The following VAMP4 variants were observed in gnomAD, a reference collection of about 807,000 sequenced individuals.
VAMP4 encodes the protein vesicle associated membrane protein 4, also known as vesicle-associated membrane protein 4.
VAMP4 carries 19 observed loss-of-function variants against 23.5 expected under a neutral mutation model. The ratio of observed to expected loss-of-function variants is 0.81; its 90% CI spans 0.56 to 1.19. The LOEUF is 1.19. Among genes scored for constraint, VAMP4 ranks in the 50% most tolerant of loss-of-function variants. VAMP4 has a pLI of 0.00. For missense variants in VAMP4, 145 were observed against 168.6 expected (o/e 0.86, Z 0.78); for synonymous variants, 31 against 51.0 (o/e 0.61, Z 1.67).
intron 6 of VAMP4, among the ~76,000 whole-genome samples, chr1:171,709,051 T>C (rs1654763507): frequency 6.6e-6 from 1 of 152,020 alleles, no homozygotes; most frequent in South Asian, 2.1e-4. Flanking sequence ...TGTTAATGAT[T>C]AGTAGCCACA....
chr1:171,717,113 T>C (rs539831692), intron 4 of VAMP4, among the ~76,000 whole-genome samples: 1 of 152,226 alleles, frequency 6.6e-6, no homozygotes, highest in South Asian at 2.1e-4. Context: ...AGCTGGAAAA[T>C]CATACTCAAA....
chr1:171,713,794 C>T (rs1654930173), intron 4 of VAMP4, among the ~76,000 whole-genome samples: 2 of 152,086 alleles, frequency 1.3e-5, no homozygotes, highest in Admixed American at 1.3e-4. Context: ...GATTGCACCA[C>T]TGCACTTCAG....
In VAMP4 at chr1:171,704,439, T is replaced by C. The variant is rs1424382884; in HGVS notation, c.*67A>G. The C allele has an allele frequency of 7.1e-7, 1 of 1,413,840 alleles. No individual in the cohort carries two copies. The highest frequency in any genetic ancestry group is 1.5e-5 in the African/African-American group (1 of 68,122). 87.6% of individuals were successfully genotyped at this position (1,413,840 alleles called of 1,614,324 possible). A position where few individuals can be genotyped will look rare whatever the true frequency, so the allele number is the denominator to read the frequency against. ...GAAAGTTATATACACATAGGTTTCA[T>C]TTAAATTATGCAGCAATCTTTTATT... On this transcript the variant is annotated 3_prime_UTR_variant, in exon 8 of 8. Transcript: ENST00000236192.
intron 3 of VAMP4, among the ~76,000 whole-genome samples, chr1:171,724,051 T>C (rs1203716715): frequency 5.3e-5 from 8 of 152,014 alleles, no homozygotes; most frequent in Non-Finnish European, 1.2e-4. Context: ...CTATTCACAA[T>C]AGCAAAGACT....
At chr1:171,734,793 C>T (rs987814267) in intron 2 of VAMP4, among the ~76,000 whole-genome samples, 3 of 151,994 alleles carry the variant, frequency 2.0e-5, no homozygotes, top group African/African-American at 7.3e-5. Context: ...GTCTAATATA[C>T]TAATAATCAA....
chr1:171,720,015 T>C (rs868393263), intron 3 of VAMP4, among the ~76,000 whole-genome samples: 1 of 151,482 alleles, frequency 6.6e-6, no homozygotes, highest in South Asian at 2.1e-4. Context: ...CAGCAATTGA[T>C]AAAAAAATTT....
rs895482006 is a variant in VAMP4 at position 171,701,135 on chromosome 1, G to C, written c.*3371C>G. Reference sequence around the variant, plus strand: ...TGGAAAAAACAAGTTAAGAAGTAGAGCACCTTTCAGCCCTTACTACATTCT... The same window carrying C: ...TGGAAAAAACAAGTTAAGAAGTAGACCACCTTTCAGCCCTTACTACATTCT... On this transcript the variant is annotated 3_prime_UTR_variant, in exon 8 of 8. Transcript: ENST00000236192. 2 of 152,126 alleles carry C rather than the reference G, an allele frequency of 1.3e-5. No homozygotes were observed. Among genetic ancestry groups the C allele is most frequent in the Non-Finnish European group, 2.9e-5 (2 of 68,014 alleles). The allele number at this position is 152,126 out of a possible 1,614,324, so 9.4% of individuals were successfully genotyped here. A position where few individuals can be genotyped will look rare whatever the true frequency, so the allele number is the denominator to read the frequency against.
chr1:171,703,947 A>ATGTT lies in VAMP4; in HGVS notation c.*555_*558dup, dbSNP rs1654563678. 1.3e-5 allele frequency: 2 copies of ATGTT among 152,472 alleles called. No homozygotes were observed. Among genetic ancestry groups the ATGTT allele is most frequent in the South Asian group, 4.1e-4 (2 of 4,834 alleles). 9.4% of individuals were successfully genotyped at this position (152,472 alleles called of 1,614,324 possible). On this transcript the variant is annotated 3_prime_UTR_variant, in exon 8 of 8. Coordinates refer to ENST00000236192, the MANE Select transcript of VAMP4 (RefSeq NM_003762.5). ...CACAGTCAAAAATATATTTACTGGAATGTTTTTAGTTATACCTGAGGGCAA... is the reference window on the plus strand; with the variant it reads ...CACAGTCAAAAATATATTTACTGGAATGTTTGTTTTTAGTTATACCTGAGGGCAA...
intron 3 of VAMP4, among the ~76,000 whole-genome samples, chr1:171,724,023 CAT>C (rs1655282375): frequency 6.6e-6 from 1 of 152,138 alleles, no homozygotes; most frequent in African/African-American, 2.4e-5. Context: ...CACATGCACA[CAT>C]ATGTTTATTG....
At chr1:171,715,652 A>G (rs539022616) in intron 4 of VAMP4, among the ~76,000 whole-genome samples, 1 of 152,328 alleles carries the variant, frequency 6.6e-6, no homozygotes, top group East Asian at 1.9e-4. Context: ...ATACTTGATA[A>G]ATGTCAGTGC....
Position 171,710,821 on chromosome 1 carries a change from T to TA in VAMP4, c.165-8dup. On this transcript the variant is annotated splice_polypyrimidine_tract_variant and splice_region_variant and intron_variant, in intron 4 of 7. Transcript: ENST00000236192. ...ATCCACTTGATTCTGAACACTAGTTTAAAAAAGATACACAATTATTTATCC... is the reference window on the plus strand; with the variant it reads ...ATCCACTTGATTCTGAACACTAGTTTAAAAAAAGATACACAATTATTTATCC... The TA allele has an allele frequency of 1.3e-6, 2 of 1,560,256 alleles. No individual in the cohort carries two copies. Among genetic ancestry groups the TA allele is most frequent in the East Asian group, 2.3e-5 (1 of 44,078 alleles).
chr1:171,724,145 A>T lies in VAMP4; in HGVS notation c.113+4379T>A, dbSNP rs75205859. 2.3e-3 allele frequency among the ~76,000 whole-genome samples: 343 copies of T among 152,212 alleles called. 1 individual carries two copies. The highest frequency in any genetic ancestry group is 7.8e-3 in the African/African-American group (325 of 41,536). The stretch of plus-strand genomic sequence containing the variant: ...ACACCATGGAATACTACGCAGCCAT[A>T]AAAAAGGATGAGTTCATGTCCTTTG... On this transcript the variant is annotated intron_variant, in intron 3 of 7. Transcript: ENST00000236192.
At position 171,703,626 on chromosome 1, in the gene VAMP4, G is replaced by GAGAT. The variant is rs982978816; in HGVS notation, c.*876_*879dup. The GAGAT allele has an allele frequency of 1.9e-4, 29 of 151,734 alleles. No homozygotes were observed. Among genetic ancestry groups the GAGAT allele is most frequent in the Admixed American group, 1.9e-3 (28 of 15,132 alleles). The allele number at this position is 151,734 out of a possible 1,614,324, so 9.4% of individuals were successfully genotyped here. ...GCTACTTTTTGTACTTTTGGTAAAT[G>GAGAT]AGATAGTTGGAAGTTAGAGGCTATT... On this transcript the variant is annotated 3_prime_UTR_variant, in exon 8 of 8. Transcript: ENST00000236192.
chr1:171,721,036 T>G (rs957175239), intron 3 of VAMP4, among the ~76,000 whole-genome samples: 4 of 151,974 alleles, frequency 2.6e-5, no homozygotes, highest in African/African-American at 9.7e-5. Context: ...ATTCAACACA[T>G]TCACAGACCA....
At chr1:171,716,133 T>C (rs1309218595) in intron 4 of VAMP4, among the ~76,000 whole-genome samples, 1 of 152,196 alleles carries the variant, frequency 6.6e-6, no homozygotes, top group African/African-American at 2.4e-5. Flanking sequence ...CAACTACATA[T>C]ATATTGCTGT....
At chr1:171,726,707 C>T (rs974455471) in intron 3 of VAMP4, among the ~76,000 whole-genome samples, 4 of 151,814 alleles carry the variant, frequency 2.6e-5, no homozygotes, top group African/African-American at 7.3e-5. Flanking sequence ...CTATAAAACT[C>T]CTAGAAGAAA....
At chr1:171,721,392 T>C (rs908624754) in intron 3 of VAMP4, among the ~76,000 whole-genome samples, 1 of 152,170 alleles carries the variant, frequency 6.6e-6, no homozygotes, top group South Asian at 2.1e-4. Context: ...ATAATTGTTC[T>C]ATGTTGAAAA....
chr1:171,720,767 G>A (rs1655165801), intron 3 of VAMP4, among the ~76,000 whole-genome samples: 1 of 151,920 alleles, frequency 6.6e-6, no homozygotes, highest in Non-Finnish European at 1.5e-5. Context: ...AAACTATTCT[G>A]GAAAACTAAA....
chr1:171,726,263 G>A (rs1655366698), intron 3 of VAMP4, among the ~76,000 whole-genome samples: 1 of 151,644 alleles, frequency 6.6e-6, no homozygotes, highest in East Asian at 2.0e-4. Context: ...TGTTGGCCAG[G>A]CTGGTCTTGA....
Sources: gnomAD v4.1 joint callset for allele counts (sites outside exome capture counted in the v4.1 genomes callset) on GRCh38, gnomAD v4.1.1 for gene constraint, MANE v1.5 for transcripts, NCBI Gene and HGNC (gene_info 2026-07-23, HGNC 2026-07-21) for gene names.